Variants in WDR72 observed in about 807,000 individuals in gnomAD.
WDR72 encodes the protein WD repeat domain 72.
WDR72 carries 120 observed loss-of-function variants against 124.2 expected under a neutral mutation model. The observed-to-expected ratio is 0.97, with a 90% confidence interval of 0.83 to 1.12. The LOEUF (loss-of-function observed/expected upper bound fraction) is 1.12. Among genes scored for constraint, WDR72 ranks in the 50% most tolerant of loss-of-function variants. The probability of loss-of-function intolerance (pLI) is 0.00; values close to 1 mark genes in which losing one functional copy is unlikely to be tolerated. For synonymous variants in WDR72, 452 were observed against 441.7 expected, an observed-to-expected ratio of 1.02 and a Z score of -0.29; for missense variants, 1,387 against 1,278.8, an observed-to-expected ratio of 1.08 and a Z score of -1.29.
intron 14 of WDR72, among the ~76,000 whole-genome samples, chr15:53,660,083 A>C (rs891157452): frequency 4.6e-5 from 7 of 152,006 alleles, no homozygotes; most frequent in Non-Finnish European, 7.4e-5. Context: ...CACACTAGAA[A>C]AATAGTTCTA....
chr15:53,597,728 G>T (rs963614834), intron 17 of WDR72, among the ~76,000 whole-genome samples: 1 of 152,042 alleles, frequency 6.6e-6, no homozygotes, highest in Non-Finnish European at 1.5e-5. Flanking sequence ...GAAAATTAAA[G>T]AAATGACTTC....
chr15:53,649,303 A>T (rs2015150017), intron 14 of WDR72, among the ~76,000 whole-genome samples: 4 of 152,164 alleles, frequency 2.6e-5, no homozygotes, highest in African/African-American at 9.7e-5. Context: ...AAACCAAAAA[A>T]TATTTGATAA....
intron 18 of WDR72, among the ~76,000 whole-genome samples, chr15:53,545,211 C>T (rs545788975): frequency 2.4e-3 from 358 of 151,728 alleles, no homozygotes; most frequent in African/African-American, 8.0e-3. Context: ...CCACGGGAAT[C>T]CTAAGCCAAA....
At chr15:53,749,467 T>C (rs2018723446) in intron 1 of WDR72, among the ~76,000 whole-genome samples, 1 of 152,244 alleles carries the variant, frequency 6.6e-6, no homozygotes, top group East Asian at 1.9e-4. Context: ...CATTCCCCTG[T>C]CTCCTCTCTC....
intron 14 of WDR72, among the ~76,000 whole-genome samples, chr15:53,617,230 C>T (rs945078369): frequency 2.0e-5 from 3 of 151,666 alleles, no homozygotes; most frequent in Non-Finnish European, 4.4e-5. Flanking sequence ...AAATTTGACA[C>T]ATATCTCTAT....
chr15:53,599,494 C>T (rs1001656639), intron 17 of WDR72, among the ~76,000 whole-genome samples: 2 of 152,132 alleles, frequency 1.3e-5, no homozygotes, highest in African/African-American at 4.8e-5. Context: ...GTCTGTGATA[C>T]TGACAGAAAT....
At chr15:53,683,415 C>T (rs1488287138) in intron 13 of WDR72, among the ~76,000 whole-genome samples, 1 of 152,132 alleles carries the variant, frequency 6.6e-6, no homozygotes, top group Non-Finnish European at 1.5e-5. Flanking sequence ...CTGATCATTA[C>T]ATATACTGGC....
chr15:53,719,153 A>G (rs2017801383), intron 3 of WDR72, among the ~76,000 whole-genome samples: 2 of 152,278 alleles, frequency 1.3e-5, no homozygotes, highest in Admixed American at 6.5e-5. Flanking sequence ...GTTTTGATCA[A>G]ACTTTAATGA....
At chr15:53,547,225 T>C (rs1321460641) in intron 18 of WDR72, among the ~76,000 whole-genome samples, 3 of 152,184 alleles carry the variant, frequency 2.0e-5, no homozygotes, top group African/African-American at 7.2e-5. Flanking sequence ...CACCAAGTCC[T>C]GGGTTTAAGC....
intron 2 of WDR72, among the ~76,000 whole-genome samples, chr15:53,730,507 T>A (rs894145496): frequency 6.6e-6 from 1 of 152,130 alleles, no homozygotes; most frequent in Non-Finnish European, 1.5e-5. Flanking sequence ...GGCAAGCGAG[T>A]GTTTAAGACC....
chr15:53,589,796 G>T (rs1297090449), intron 18 of WDR72, among the ~76,000 whole-genome samples: 2 of 151,982 alleles, frequency 1.3e-5, no homozygotes, highest in Admixed American at 6.6e-5. Context: ...TTTTTCATAT[G>T]CCAAGATGAA....
intron 14 of WDR72, among the ~76,000 whole-genome samples, chr15:53,641,359 GTGTGTGTA>G (rs962857036): frequency 6.6e-6 from 1 of 151,914 alleles, no homozygotes. Context: ...GTGTGTATTT[GTGTGTGTA>G]TGTGTGTATG....
chr15:53,628,907 G>A (rs2014312423), intron 14 of WDR72, among the ~76,000 whole-genome samples: 1 of 152,086 alleles, frequency 6.6e-6, no homozygotes, highest in African/African-American at 2.4e-5. Flanking sequence ...AAAGTGCTAA[G>A]TGAAGTTAAA....
rs116462350 is a variant in WDR72, at chr15:53,723,447, T to C, written c.154-539A>G. On this transcript the variant is annotated intron_variant, in intron 2 of 19. Coordinates refer to ENST00000360509, the MANE Select transcript of WDR72 (RefSeq NM_182758.4). ...TTCAGGATTCCCACTTCTAGGTATA[T>C]ACCCAAAGGGAATGAAACCAGTATC... 5.8e-3 allele frequency among the ~76,000 whole-genome samples: 882 copies of C among 152,292 alleles called. 6 individuals are homozygous for C. Among genetic ancestry groups the C allele is most frequent in the African/African-American group, 0.02 (839 of 41,558 alleles).
At chr15:53,638,232 C>T (rs1222470033) in intron 14 of WDR72, among the ~76,000 whole-genome samples, 1 of 152,078 alleles carries the variant, frequency 6.6e-6, no homozygotes, top group Non-Finnish European at 1.5e-5. Context: ...AGTCTTTTTT[C>T]AAGGGTGAAA....
At chr15:53,702,632 G>A (rs920991677) in intron 11 of WDR72, among the ~76,000 whole-genome samples, 1 of 152,082 alleles carries the variant, frequency 6.6e-6, no homozygotes, top group Non-Finnish European at 1.5e-5. Context: ...CAGCAGTTTG[G>A]GAGGCCAGGA....
intron 14 of WDR72, among the ~76,000 whole-genome samples, chr15:53,645,677 A>G (rs1301741264): frequency 6.6e-6 from 1 of 152,206 alleles, no homozygotes; most frequent in Non-Finnish European, 1.5e-5. Flanking sequence ...TGCCTTAAGC[A>G]TGATTTTTCT....
At chr15:53,523,810 A>G (rs1287329427) in intron 18 of WDR72, among the ~76,000 whole-genome samples, 1 of 152,044 alleles carries the variant, frequency 6.6e-6, no homozygotes, top group Non-Finnish European at 1.5e-5. Context: ...GGTACCAAAC[A>G]CCAAAAAAAC....
At chr15:53,546,639 A>C (rs1377505602) in intron 18 of WDR72, among the ~76,000 whole-genome samples, 4 of 152,200 alleles carry the variant, frequency 2.6e-5, no homozygotes, top group Non-Finnish European at 5.9e-5. Context: ...CAATGTGCAC[A>C]CATACCCTAA....
Sources: gnomAD v4.1 joint callset for allele counts (sites outside exome capture counted in the v4.1 genomes callset) on GRCh38, gnomAD v4.1.1 for gene constraint, MANE v1.5 for transcripts, NCBI Gene and HGNC (gene_info 2026-07-23, HGNC 2026-07-21) for gene names.